Variants in TRIM66 observed in about 807,000 individuals in gnomAD.
TRIM66 encodes the protein tripartite motif-containing protein 66.
TRIM66 carries 99 observed loss-of-function variants against 148.2 expected under a neutral mutation model. The ratio of observed to expected loss-of-function variants is 0.67; its 90% confidence interval spans 0.57 to 0.79. TRIM66 has a LOEUF of 0.79. TRIM66 is among the 30% of genes least tolerant of loss of function. TRIM66 has a pLI of 0.00. For missense variants in TRIM66, 1,666 were observed against 1,697.9 expected, an observed-to-expected ratio of 0.98 and a Z score of 0.33; for synonymous variants, 616 against 635.9, an observed-to-expected ratio of 0.97 and a Z score of 0.47.
At chr11:8,644,358 G>A (rs1319170795) in intron 12 of TRIM66, 1 of 442,520 alleles carries the variant, frequency 2.3e-6, no homozygotes, top group Admixed American at 2.5e-5. Context: ...CTCTTCCACT[G>A]CACTCAATGA....
At chr11:8,638,964 A>T in intron 14 of TRIM66, 149 bp from the exon 15 acceptor site, 1 of 815,174 alleles carries the variant, frequency 1.2e-6, no homozygotes, top group Non-Finnish European at 1.8e-6. Flanking sequence ...AAAAAGAAAA[A>T]TACTCTTATC....
chr11:8,650,867 G>C (rs2037298946), intron 7 of TRIM66, among the ~76,000 whole-genome samples: 1 of 152,200 alleles, frequency 6.6e-6, no homozygotes, highest in African/African-American at 2.4e-5. Flanking sequence ...TCAGAGAGGA[G>C]AAAGCCCACA....
intron 6 of TRIM66, among the ~76,000 whole-genome samples, chr11:8,662,503 T>A (rs2038328516): frequency 6.6e-6 from 1 of 152,196 alleles, no homozygotes. Flanking sequence ...TCAAGAAGCA[T>A]CGGGCTATGG....
intron 22 of TRIM66, 123 bp downstream of exon 22, chr11:8,619,927 A>T: frequency 1.0e-6 from 1 of 993,432 alleles, no homozygotes; most frequent in Non-Finnish European, 1.5e-6. Context: ...TAGCAGGCAC[A>T]AAATTCAATA....
intron 6 of TRIM66, among the ~76,000 whole-genome samples, chr11:8,662,584 T>C (rs2038334021): frequency 6.6e-6 from 1 of 152,220 alleles, no homozygotes; most frequent in South Asian, 2.1e-4. Flanking sequence ...AATTGCCCAG[T>C]CAATTAGTGC....
chr11:8,620,087 T>A lies in TRIM66; in HGVS notation c.3710A>T (p.Asn1237Ile). The change falls in exon 22 of 25, where the codon AAC becomes ATC. Residue 1237 changes from asparagine (N) to isoleucine (I), a missense_variant. Coordinates refer to ENST00000646038, the MANE Select transcript of TRIM66 (RefSeq NM_001388022.1). ...EKLVLSLCCNNLSLPFHEPVS... is the reference protein window; with the variant it reads ...EKLVLSLCCNILSLPFHEPVS... The stretch of plus-strand genomic sequence containing the variant: ...AGGTTCATGGAAGGGCAGGCTGAGG[T>A]TATTGCAGCACAAGGACAATACCAG... The A allele has an allele frequency of 6.4e-7, 1 of 1,551,660 alleles. No homozygotes were observed. Among genetic ancestry groups the A allele is most frequent in the African/African-American group, 1.4e-5 (1 of 73,140 alleles).
chr11:8,638,570 C>A lies in TRIM66; in HGVS notation c.2310+84G>T, dbSNP rs34655699. 9 of 1,459,906 alleles carry A rather than the reference C, an allele frequency of 6.2e-6. No homozygotes were observed. The African/African-American group carries it at 7.2e-5, about 12-fold the overall frequency. The allele number at this position is 1,459,906 out of a possible 1,614,324, so 90.4% of individuals were successfully genotyped here. ...GATGGAACAGGGACGCTCCTCCCCC[C>A]ACCCTATCCTCCTCCTCCAAGTGCC... is the stretch of plus-strand genomic sequence containing the variant. On this transcript the variant is annotated intron_variant, in intron 15 of 24. Coordinates refer to ENST00000646038, the MANE Select transcript of TRIM66 (RefSeq NM_001388022.1).
chr11:8,620,530 G>C lies in TRIM66; in HGVS notation c.3588C>G (p.Pro1196=), dbSNP rs747398492. 1 of 1,551,746 alleles carries C rather than the reference G, an allele frequency of 6.4e-7. No individual in the cohort carries two copies. Among genetic ancestry groups the C allele is most frequent in the Non-Finnish European group, 8.7e-7 (1 of 1,147,020 alleles). ...CATTCTCACAGTCGTACTCCATCTC[G>C]GGCTGGGTCAGGCTGCGGCACAAGG... is the stretch of plus-strand genomic sequence containing the variant. ...VCTLCRSLTQ[P]EMEYDCENAC... is the part of the protein sequence containing the mutation. The change falls in exon 21 of 25, where the codon CCC becomes CCG. Residue 1196 remains proline (P), a synonymous_variant. Coordinates refer to ENST00000646038, the MANE Select transcript of TRIM66 (RefSeq NM_001388022.1).
intron 15 of TRIM66, among the ~76,000 whole-genome samples, chr11:8,638,109 T>C (rs1450847993): frequency 6.6e-6 from 1 of 152,180 alleles, no homozygotes; most frequent in Admixed American, 6.5e-5. Flanking sequence ...ACCCAACAAA[T>C]TCCATTGATT....
intron 17 of TRIM66, among the ~76,000 whole-genome samples, chr11:8,624,091 G>A (rs1338623526): frequency 6.6e-6 from 1 of 152,126 alleles, no homozygotes; most frequent in Non-Finnish European, 1.5e-5. Flanking sequence ...TTCCCCCTAG[G>A]TATAATGCAG....
Position 8,622,339 on chromosome 11 carries a change from A to AACACACACACAC in TRIM66, c.3080+465_3080+476dup, listed in dbSNP as rs150269400. On this transcript the variant is annotated intron_variant, in intron 18 of 24. Transcript: ENST00000646038. The stretch of plus-strand genomic sequence containing the variant: ...TATATATGGAAGTACACACACACAC[A>AACACACACACAC]ACACACACACACACACACACACACA... 7.0e-3 allele frequency among the ~76,000 whole-genome samples: 494 copies of AACACACACACAC among 70,508 alleles called. 8 individuals carry two copies. The highest frequency in any genetic ancestry group is 0.017 in the Middle Eastern group (2 of 118). 46.3% of individuals were successfully genotyped at this position (70,508 alleles called of 152,430 possible).
In TRIM66 at chr11:8,614,933, A is replaced by G. The variant is rs1215023656; in HGVS notation, c.*3011T>C. ...TGCTCTGCAAGTTCATCCTGAACCAATTTTTTTTTTTTTGAGACGGAGTCT... is the reference window on the plus strand; with the variant it reads ...TGCTCTGCAAGTTCATCCTGAACCAGTTTTTTTTTTTTTGAGACGGAGTCT... On this transcript the variant is annotated 3_prime_UTR_variant, in exon 25 of 25. Transcript: ENST00000646038. 6.8e-6 allele frequency: 1 copy of G among 147,542 alleles called. No homozygotes were observed. The highest frequency in any genetic ancestry group is 1.5e-5 in the Non-Finnish European group (1 of 66,498). The allele number at this position is 147,542 out of a possible 1,614,324, so 9.1% of individuals were successfully genotyped here.
At chr11:8,658,806 G>A (rs866410949) in intron 6 of TRIM66, 1 of 985,252 alleles carries the variant, frequency 1.0e-6, no homozygotes, top group East Asian at 1.1e-4. Flanking sequence ...GGAGGGTGTG[G>A]GGGGGCCTTC....
intron 6 of TRIM66, chr11:8,658,782 C>A: frequency 9.1e-6 from 9 of 985,252 alleles, no homozygotes; most frequent in Non-Finnish European, 1.1e-5. Context: ...TCCCTCCATG[C>A]CCCCGGCACT....
chr11:8,682,507 G>A (rs918224840), intron 1 of TRIM66, 94 bp downstream of exon 1: 2 of 488,914 alleles, frequency 4.1e-6, no homozygotes, highest in Non-Finnish European at 3.6e-6. Flanking sequence ...AAAAGGGCCT[G>A]GCTCAAGCAA....
Position 8,672,286 on chromosome 11 carries a change from A to C in TRIM66, c.-12T>G. ...GAGAGTCTAGCCATCTCTGCCGTGG[A>C]AAACAAAGCGTGGAGGTGTCTGCTG... On this transcript the variant is annotated 5_prime_UTR_variant, in exon 5 of 25. Coordinates refer to ENST00000646038, the MANE Select transcript of TRIM66 (RefSeq NM_001388022.1). The C allele has an allele frequency of 6.5e-7, 1 of 1,536,134 alleles. No individual in the cohort carries two copies. Among genetic ancestry groups the C allele is most frequent in the Non-Finnish European group, 8.7e-7 (1 of 1,146,904 alleles).
At chr11:8,620,166 C>T (rs765998953) in intron 21 of TRIM66, 42 bp from the exon 22 acceptor site, 1 of 1,527,078 alleles carries the variant, frequency 6.5e-7, no homozygotes, top group South Asian at 1.2e-5. Context: ...TTGTTCTGGT[C>T]TCACCTCAGT....
Position 8,613,149 on chromosome 11 carries a change from A to G in TRIM66, c.*4795T>C, listed in dbSNP as rs1297545556. The G allele has an allele frequency of 6.6e-6, 1 of 152,210 alleles. No individual in the cohort carries two copies. The highest frequency in any genetic ancestry group is 1.9e-4 in the East Asian group (1 of 5,188). 9.4% of individuals were successfully genotyped at this position (152,210 alleles called of 1,614,324 possible). A position where few individuals can be genotyped will look rare whatever the true frequency, so the allele number is the denominator to read the frequency against. On this transcript the variant is annotated 3_prime_UTR_variant, in exon 25 of 25. Transcript: ENST00000646038. ...GACAGAGGAAGCAGGAGCAGCTGTG[A>G]TTCTTCCTCCCTACCCAACTCCTGA...
chr11:8,682,786 G>C, upstream of TRIM66: 1 of 1,613,534 alleles, frequency 6.2e-7, no homozygotes, highest in Non-Finnish European at 8.5e-7. Flanking sequence ...CTTGGCGAAG[G>C]CCTTCCTTTT....
Sources: gnomAD v4.1 joint callset for allele counts (sites outside exome capture counted in the v4.1 genomes callset) on GRCh38, gnomAD v4.1.1 for gene constraint, MANE v1.5 for transcripts, NCBI Gene and HGNC (gene_info 2026-07-23, HGNC 2026-07-21) for gene names.